The following MYBBP1A variants were observed in gnomAD, a reference collection of about 807,000 sequenced individuals.
MYBBP1A encodes MYB binding protein 1a.
A neutral mutation model predicts 136.3 loss-of-function variants in MYBBP1A; 147 were observed. That is an observed-to-expected ratio of 1.08 (90% CI 0.94 to 1.24). The LOEUF (loss-of-function observed/expected upper bound fraction) is 1.24. Ranked by LOEUF, MYBBP1A falls within the 50% of genes most tolerant of loss-of-function variation. The probability of loss-of-function intolerance (pLI) is 0.00; values close to 1 mark genes in which losing one functional copy is unlikely to be tolerated. For synonymous variants in MYBBP1A, 947 were observed against 735.8 expected, an observed-to-expected ratio of 1.29 and a Z score of -4.65; for missense variants, 2,060 against 1,727.4, an observed-to-expected ratio of 1.19 and a Z score of -3.41.
At position 4,544,616 on chromosome 17, in the gene MYBBP1A, T is replaced by TG. The variant is rs775311406; in HGVS notation, c.2511dup (p.Lys838GlnfsTer58). 1.3e-6 allele frequency: 2 copies of TG among 1,589,184 alleles called. No individual in the cohort carries two copies. Among genetic ancestry groups the TG allele is most frequent in the Non-Finnish European group, 1.7e-6 (2 of 1,168,504 alleles). On this transcript the variant is annotated frameshift_variant, in exon 19 of 26. Coordinates refer to ENST00000254718, the MANE Select transcript of MYBBP1A (RefSeq NM_014520.4). LOFTEE classifies it high-confidence loss of function. ...AGGACCAGGGCATTCTCGGGCTGCT[T>TG]GGTCACTAGCACCTCCACCAGGTCC...
intron 19 of MYBBP1A, 62 bp from the exon 20 acceptor site, chr17:4,543,227 A>G: frequency 6.6e-7 from 1 of 1,517,042 alleles, no homozygotes; most frequent in Non-Finnish European, 8.8e-7. Context: ...TCCGCCAAGC[A>G]GAGCCAACCC....
At chr17:4,541,180 C>T (rs79714127) in intron 24 of MYBBP1A, among the ~76,000 whole-genome samples, 11 of 152,270 alleles carry the variant, frequency 7.2e-5, no homozygotes, top group Non-Finnish European at 1.5e-4. Context: ...CCTGCCAGCC[C>T]CTTCTCGGCT....
chr17:4,544,096 C>CCGAGGACTGGGTTGGGTGTCCCCTG (rs1567606196), intron 19 of MYBBP1A, among the ~76,000 whole-genome samples: 1 of 152,186 alleles, frequency 6.6e-6, no homozygotes, highest in Admixed American at 6.5e-5. Flanking sequence ...CACTACACCT[C>CCGAGGACTGGGTTGGGTGTCCCCTG]CGAGGACTGG....
At position 4,550,241 on chromosome 17, in the gene MYBBP1A, G is replaced by A. The variant is rs766663204; in HGVS notation, c.1136C>T (p.Ser379Phe). The change falls in exon 9 of 26, where the codon TCT (serine) becomes TTT (phenylalanine). Residue 379 changes from serine (S) to phenylalanine (F), a missense_variant. Ser to Phe is a radical substitution (Grantham distance 155). Transcript: ENST00000254718. Reference protein sequence around the residue: ...RQLAVLVAFSSVTNQGLPVTP... With the variant: ...RQLAVLVAFSFVTNQGLPVTP... ...GACAGGGAGGCCTTGGTTGGTGACA[G>A]ATGAGAAGGCCACTAGCACGGCCAG... The A allele has an allele frequency of 3.1e-6, 5 of 1,613,592 alleles. No homozygotes were observed. In the Admixed American group the frequency reaches 8.3e-5, roughly 27 times the overall value.
At position 4,542,929 on chromosome 17, in the gene MYBBP1A, A is replaced by AT; in HGVS notation, c.2875dup (p.Met959AsnfsTer90). Reference sequence around the variant, plus strand: ...CCTGCTCACCTGCGGGCCCGTGGGCATGTGGCTGGGGTCAGTGCCAGCTTT... The same window carrying AT: ...CCTGCTCACCTGCGGGCCCGTGGGCATTGTGGCTGGGGTCAGTGCCAGCTTT... On this transcript the variant is annotated frameshift_variant, in exon 20 of 26. Coordinates refer to ENST00000254718, the MANE Select transcript of MYBBP1A (RefSeq NM_014520.4). LOFTEE classifies it high-confidence loss of function. The AT allele has an allele frequency of 6.2e-7, 1 of 1,613,950 alleles. No individual in the cohort carries two copies. The highest frequency in any genetic ancestry group is 8.5e-7 in the Non-Finnish European group (1 of 1,179,980).
chr17:4,541,930 C>G (rs374602730), intron 22 of MYBBP1A, 39 bp from the exon 23 acceptor site: 2 of 1,551,868 alleles, frequency 1.3e-6, no homozygotes, highest in African/African-American at 2.7e-5. Flanking sequence ...AGCCTTGGCA[C>G]GTTGGGTGCT....
intron 13 of MYBBP1A, chr17:4,547,716 G>C (rs952361421): frequency 1.1e-5 from 5 of 441,482 alleles, no homozygotes; most frequent in Admixed American, 3.9e-5. Flanking sequence ...GAGAGGGGGT[G>C]TCTGCCTCAA....
intron 2 of MYBBP1A, among the ~76,000 whole-genome samples, chr17:4,554,512 G>A (rs1470565293): frequency 1.3e-5 from 2 of 152,146 alleles, no homozygotes; most frequent in Non-Finnish European, 2.9e-5. Flanking sequence ...GCAGGCCTGG[G>A]TCTTTATTGC....
rs1305068475 is a variant in MYBBP1A at position 4,542,967 on chromosome 17, T to C, written c.2838A>G (p.Thr946=). 6.2e-7 allele frequency: 1 copy of C among 1,613,950 alleles called. No homozygotes were observed. Among genetic ancestry groups the C allele is most frequent in the East Asian group, 2.2e-5 (1 of 44,884 alleles). ...GNTAEGCVHE[T]QEKQKAGTDP... ...CAGTGCCAGCTTTCTGCTTCTCCTG[T>C]GTCTCATGCACGCAGCCCTCAGCAG... Residue 946 remains threonine, a synonymous_variant, in exon 20 of 26, where the codon ACA becomes ACG. Coordinates refer to ENST00000254718, the MANE Select transcript of MYBBP1A (RefSeq NM_014520.4).
chr17:4,542,575 A>AGCAGGGACCATGAGGAAGCAGG (rs1421062074), intron 21 of MYBBP1A, 41 bp downstream of exon 21: 2 of 1,613,122 alleles, frequency 1.2e-6, no homozygotes, highest in Non-Finnish European at 8.5e-7. Flanking sequence ...GGCTGGGCTG[A>AGCAGGGACCATGAGGAAGCAGG]GCAGGGACCA....
Position 4,539,484 on chromosome 17 carries a change from G to C in MYBBP1A, c.3918C>G (p.Ile1306Met), listed in dbSNP as rs777480813. The C allele has an allele frequency of 6.2e-7, 1 of 1,614,150 alleles. No individual in the cohort carries two copies. The highest frequency in any genetic ancestry group is 2.2e-5 in the East Asian group (1 of 44,886). The change falls in exon 26 of 26, where the codon ATC (isoleucine) becomes ATG (methionine). Residue 1306 changes from isoleucine to methionine, a missense_variant. Coordinates refer to ENST00000254718, the MANE Select transcript of MYBBP1A (RefSeq NM_014520.4). Reference sequence around the variant, plus strand: ...CACTCTGAAGCAGGCTGGGACTCCTGATGACCAAAGACAGCCTTGCCTTTT... The same window carrying C: ...CACTCTGAAGCAGGCTGGGACTCCTCATGACCAAAGACAGCCTTGCCTTTT... ...ARKKARLSLV[I>M]RSPSLLQSGA...
rs559294343 is a variant in MYBBP1A, at chr17:4,551,106, C to T, written c.1024-753G>A. Among the ~76,000 whole-genome samples, 55 of 152,354 alleles carry T rather than the reference C, an allele frequency of 3.6e-4. No individual in the cohort carries two copies. The South Asian group carries it at 0.01, about 29-fold the overall frequency. ...AAGGGATCCTCCCACCTCAGCCTCC[C>T]GAGTAACTGGGACTACAGGTGTGCA... On this transcript the variant is annotated intron_variant, in intron 8 of 25. Coordinates refer to ENST00000254718, the MANE Select transcript of MYBBP1A (RefSeq NM_014520.4).
rs762356900 is a variant in MYBBP1A at position 4,540,463 on chromosome 17, C to G, written c.3319G>C (p.Val1107Leu). The G allele has an allele frequency of 1.2e-6, 2 of 1,610,166 alleles. No individual in the cohort carries two copies. Among genetic ancestry groups the G allele is most frequent in the Non-Finnish European group, 8.5e-7 (1 of 1,179,350 alleles). ...KHEKLTLDLT[V>L]LLGVLQGQQQ... is the part of the protein sequence containing the mutation. ...TGCCCCTGCAGCACACCCAGGAGCA[C>G]CGTCAGGTCCAAGGTCAGCTTCTGC... is the stretch of plus-strand genomic sequence containing the variant. The change falls in exon 25 of 26, where the codon GTG becomes CTG. Residue 1107 changes from valine (V) to leucine (L), a missense_variant. Coordinates refer to ENST00000254718, the MANE Select transcript of MYBBP1A (RefSeq NM_014520.4).
intron 13 of MYBBP1A, 178 bp downstream of exon 13, chr17:4,547,780 C>T (rs1264979776): frequency 7.3e-6 from 4 of 546,172 alleles, no homozygotes; most frequent in Non-Finnish European, 9.6e-6. Context: ...CAGCTGGTGC[C>T]GCTAAGTGGC....
rs1160992133 is a variant in MYBBP1A at position 4,542,755 on chromosome 17, G to C, written c.2893-14C>G. On this transcript the variant is annotated splice_polypyrimidine_tract_variant and intron_variant, in intron 20 of 25. Transcript: ENST00000254718. ...GCAGCTGGCAGCCTAGGCCAGGGGAGAGCGAGCTGGGTGAGGCCAGGAGAG... is the reference window on the plus strand; with the variant it reads ...GCAGCTGGCAGCCTAGGCCAGGGGACAGCGAGCTGGGTGAGGCCAGGAGAG... The C allele has an allele frequency of 1.2e-6, 2 of 1,613,152 alleles. No homozygotes were observed. Among genetic ancestry groups the C allele is most frequent in the Non-Finnish European group, 1.7e-6 (2 of 1,179,458 alleles).
At chr17:4,540,832 C>G (rs1906346050) in intron 24 of MYBBP1A, among the ~76,000 whole-genome samples, 1 of 151,704 alleles carries the variant, frequency 6.6e-6, no homozygotes, top group Non-Finnish European at 1.5e-5. Context: ...ACCCTGCCAC[C>G]TTCCTGCACA....
At chr17:4,541,190 T>C (rs1471939203) in intron 24 of MYBBP1A, among the ~76,000 whole-genome samples, 1 of 152,228 alleles carries the variant, frequency 6.6e-6, no homozygotes, top group African/African-American at 2.4e-5. Context: ...CCTTCTCGGC[T>C]TTCTCACGGG....
chr17:4,549,347 G>T lies in MYBBP1A; in HGVS notation c.1415C>A (p.Thr472Asn). ...SLHLEMEEAL[T>N]EQVARFCLFH... ...CAGCTCGCACCTGGCCACCTGCTCA[G>T]TCAAGGCCTCCTCCATCTCCAGGTG... The change falls in exon 10 of 26, where the codon ACT becomes AAT. Residue 472 changes from threonine to asparagine, a missense_variant. Transcript: ENST00000254718. 1 of 1,612,140 alleles carries T rather than the reference G, an allele frequency of 6.2e-7. No individual in the cohort carries two copies. Among genetic ancestry groups the T allele is most frequent in the Non-Finnish European group, 8.5e-7 (1 of 1,179,914 alleles).
chr17:4,540,691 C>T (rs1906334086), intron 24 of MYBBP1A, among the ~76,000 whole-genome samples: 2 of 151,584 alleles, frequency 1.3e-5, no homozygotes. Context: ...CTCCTCCTTC[C>T]CATAGCCAAA....
Sources: gnomAD v4.1 joint callset for allele counts (sites outside exome capture counted in the v4.1 genomes callset) on GRCh38, gnomAD v4.1.1 for gene constraint, MANE v1.5 for transcripts, NCBI Gene and HGNC (gene_info 2026-07-23, HGNC 2026-07-21) for gene names.